Variants in ADIPOR2 observed in about 807,000 individuals in gnomAD.
The protein encoded by ADIPOR2 is adiponectin receptor protein 2.
ADIPOR2 carries 18 observed loss-of-function variants against 40.9 expected under a neutral mutation model. That is an observed-to-expected ratio of 0.44 (90% confidence interval 0.30 to 0.65). The LOEUF (loss-of-function observed/expected upper bound fraction) is 0.65, where lower values mean the gene tolerates loss of function less well. ADIPOR2 is among the 30% of genes least tolerant of loss of function. The pLI, the probability that ADIPOR2 is intolerant of heterozygous loss-of-function variation, is 0.09. For synonymous variants in ADIPOR2, 165 were observed against 166.4 expected (o/e 0.99, Z 0.06); for missense variants, 283 against 479.2 (o/e 0.59, Z 3.82).
intron 1 of ADIPOR2, among the ~76,000 whole-genome samples, chr12:1,703,263 T>A (rs1047266928): frequency 6.6e-6 from 1 of 152,248 alleles, no homozygotes; most frequent in African/African-American, 2.4e-5. Flanking sequence ...AGAGAAAATA[T>A]GCACAGTATA....
At chr12:1,704,043 G>A (rs1592572795) in intron 1 of ADIPOR2, among the ~76,000 whole-genome samples, 1 of 124,866 alleles carries the variant, frequency 8.0e-6, no homozygotes, top group Non-Finnish European at 1.7e-5. Flanking sequence ...TTGGGTCTTG[G>A]TTCTACCTGG....
At chr12:1,773,096 G>A in intron 3 of ADIPOR2, 135 bp downstream of exon 3, 2 of 1,130,212 alleles carry the variant, frequency 1.8e-6, no homozygotes, top group Admixed American at 3.1e-5. Context: ...GGACAGAAGT[G>A]GTCTTGGGAC....
chr12:1,748,615 C>T (rs986186750), intron 1 of ADIPOR2, among the ~76,000 whole-genome samples: 1 of 151,878 alleles, frequency 6.6e-6, no homozygotes, highest in African/African-American at 2.4e-5. Flanking sequence ...CCTAAATTTA[C>T]AGGTTGAAGT....
intron 3 of ADIPOR2, among the ~76,000 whole-genome samples, chr12:1,774,870 AATTTTT>A (rs1862556814): frequency 6.6e-6 from 1 of 150,638 alleles, no homozygotes; most frequent in Non-Finnish European, 1.5e-5. Context: ...ATGCCCGGCT[AATTTTT>A]GTATTTTTAG....
intron 2 of ADIPOR2, chr12:1,757,698 C>G: frequency 7.6e-7 from 1 of 1,316,674 alleles, no homozygotes; most frequent in African/African-American, 1.4e-5. Context: ...CAAAGCGACC[C>G]TTGGTGTCAT....
chr12:1,746,884 C>G (rs2094756231), intron 1 of ADIPOR2, among the ~76,000 whole-genome samples: 1 of 152,104 alleles, frequency 6.6e-6, no homozygotes, highest in Non-Finnish European at 1.5e-5. Context: ...AAAAAATTAG[C>G]TGGGCATGTT....
At chr12:1,782,780 T>C (rs1862743086) in intron 6 of ADIPOR2, among the ~76,000 whole-genome samples, 2 of 152,074 alleles carry the variant, frequency 1.3e-5, no homozygotes, top group South Asian at 4.1e-4. Flanking sequence ...GGGCTGTGGC[T>C]GAGTGATTTG....
At chr12:1,745,142 G>C (rs184202545) in intron 1 of ADIPOR2, among the ~76,000 whole-genome samples, 2 of 152,294 alleles carry the variant, frequency 1.3e-5, no homozygotes, top group East Asian at 3.9e-4. Context: ...AAGATTCCTT[G>C]AGCATTCCAA....
intron 1 of ADIPOR2, among the ~76,000 whole-genome samples, chr12:1,716,279 G>A (rs2094687491): frequency 6.6e-6 from 1 of 152,200 alleles, no homozygotes; most frequent in South Asian, 2.1e-4. Flanking sequence ...TATTAAAAAT[G>A]GGATGAAATT....
chr12:1,708,742 CAG>C (rs576667234), intron 1 of ADIPOR2, among the ~76,000 whole-genome samples: 7,276 of 148,704 alleles, frequency 0.049, 228 homozygotes, highest in Middle Eastern at 0.11. Flanking sequence ...TTTTTTGAGA[CAG>C]AGTCTTGTTC....
intron 1 of ADIPOR2, among the ~76,000 whole-genome samples, chr12:1,716,171 C>A (rs1318537152): frequency 6.6e-6 from 1 of 152,162 alleles, no homozygotes; most frequent in African/African-American, 2.4e-5. Context: ...GAAAATTGTT[C>A]TTTTGGTTTT....
intron 1 of ADIPOR2, among the ~76,000 whole-genome samples, chr12:1,743,714 T>G (rs1027400281): frequency 6.6e-6 from 1 of 152,228 alleles, no homozygotes; most frequent in African/African-American, 2.4e-5. Context: ...CCAGGTACTG[T>G]TATTAATATG....
chr12:1,706,878 C>G lies in ADIPOR2; in HGVS notation c.-87+15687C>G, dbSNP rs144130151. 9.0e-4 allele frequency among the ~76,000 whole-genome samples: 137 copies of G among 152,278 alleles called. 2 individuals are homozygous for G. Among genetic ancestry groups the G allele is most frequent in the African/African-American group, 3.1e-3 (128 of 41,550 alleles). On this transcript the variant is annotated intron_variant, in intron 1 of 7. Coordinates refer to ENST00000357103, the MANE Select transcript of ADIPOR2 (RefSeq NM_024551.3). Reference sequence around the variant, plus strand: ...AGGTGGCTCATGCCCATATTTCCATCACTTTGAGAGGCTGAGGTGGGAGGA... The same window carrying G: ...AGGTGGCTCATGCCCATATTTCCATGACTTTGAGAGGCTGAGGTGGGAGGA...
intron 1 of ADIPOR2, among the ~76,000 whole-genome samples, chr12:1,747,246 A>G (rs11061963): frequency 0.045 from 6,876 of 152,204 alleles, 253 homozygotes; most frequent in East Asian, 0.18. Flanking sequence ...AAAAAGATTG[A>G]AATTACACAA....
At chr12:1,743,187 T>A (rs373117202) in intron 1 of ADIPOR2, among the ~76,000 whole-genome samples, 2 of 138,666 alleles carry the variant, frequency 1.4e-5, no homozygotes, top group South Asian at 2.3e-4. Context: ...AGGTCAGGGG[T>A]TTGAGACTGG....
At chr12:1,778,674 G>GA (rs1862650584) in intron 4 of ADIPOR2, 1 of 152,090 alleles carries the variant, frequency 6.6e-6, no homozygotes, top group Non-Finnish European at 1.5e-5. Flanking sequence ...TGCCACCAAA[G>GA]AAAAAATAGA....
intron 1 of ADIPOR2, among the ~76,000 whole-genome samples, chr12:1,716,500 A>AT (rs2094687852): frequency 6.6e-6 from 1 of 152,350 alleles, no homozygotes; most frequent in South Asian, 2.1e-4. Flanking sequence ...TATTCCTAAC[A>AT]TTCCTGACTA....
At chr12:1,757,726 T>TC in intron 2 of ADIPOR2, 1 of 1,298,914 alleles carries the variant, frequency 7.7e-7, no homozygotes, top group Non-Finnish European at 1.1e-6. Flanking sequence ...ACGGAAATTC[T>TC]CCCCCGTCTT....
At chr12:1,723,498 G>A (rs1006544090) in intron 1 of ADIPOR2, among the ~76,000 whole-genome samples, 5 of 150,502 alleles carry the variant, frequency 3.3e-5, no homozygotes, top group African/African-American at 4.9e-5. Flanking sequence ...TTAGCCAGGC[G>A]TGGTGGTGGG....
Sources: gnomAD v4.1 joint callset for allele counts (sites outside exome capture counted in the v4.1 genomes callset) on GRCh38, gnomAD v4.1.1 for gene constraint, MANE v1.5 for transcripts, NCBI Gene and HGNC (gene_info 2026-07-23, HGNC 2026-07-21) for gene names.